The following TTC7B variants were observed in gnomAD, a reference collection of about 807,000 sequenced individuals.
The protein encoded by TTC7B is tetratricopeptide repeat domain 7B, also known as tetratricopeptide repeat protein 7B.
In TTC7B, 28 loss-of-function variants were observed where a neutral mutation model predicts 106.8. The ratio of observed to expected loss-of-function variants is 0.26; its 90% CI spans 0.19 to 0.36. TTC7B has a LOEUF of 0.36. Ranked by LOEUF, TTC7B falls within the 10% of genes least tolerant of loss-of-function variation. The probability of loss-of-function intolerance (pLI) is 1.00; values close to 1 mark genes in which losing one functional copy is unlikely to be tolerated. For missense variants in TTC7B, 862 were observed against 1,076.4 expected (o/e 0.80, Z 2.79); for synonymous variants, 405 against 430.6 (o/e 0.94, Z 0.74).
chr14:90,730,480 G>A (rs1424996167), intron 4 of TTC7B, among the ~76,000 whole-genome samples: 1 of 152,196 alleles, frequency 6.6e-6, no homozygotes, highest in Non-Finnish European at 1.5e-5. Context: ...AGCACTAGAG[G>A]CGGAGAGGCC....
chr14:90,633,989 T>C (rs2139868161), intron 15 of TTC7B, among the ~76,000 whole-genome samples: 1 of 152,104 alleles, frequency 6.6e-6, no homozygotes, highest in East Asian at 1.9e-4. Context: ...ATTCTCCTGC[T>C]TCAGCTACTC....
At chr14:90,743,221 A>G (rs1889835276) in intron 4 of TTC7B, among the ~76,000 whole-genome samples, 1 of 152,172 alleles carries the variant, frequency 6.6e-6, no homozygotes, top group Admixed American at 6.5e-5. Flanking sequence ...ATGGCTTATA[A>G]TCCATTCTGG....
chr14:90,637,438 A>T (rs1234940562), intron 15 of TTC7B, among the ~76,000 whole-genome samples: 2 of 152,002 alleles, frequency 1.3e-5, no homozygotes, highest in Non-Finnish European at 2.9e-5. Context: ...TTACAGATGC[A>T]TTCTACCAAA....
rs531831148 is a variant in TTC7B, at chr14:90,608,886, G to A, written c.1966+1856C>T. ...TCCAGGCCAGCTGGAAGGAAAGGGG[G>A]TCTGAATTTAGTGTGGCTGTTCTCA... On this transcript the variant is annotated intron_variant, in intron 17 of 19. Coordinates refer to ENST00000328459, the MANE Select transcript of TTC7B (RefSeq NM_001010854.2). The surrounding 1 kb of genome is among the most constrained non-coding windows in gnomAD (Gnocchi z 5.1). Among the ~76,000 whole-genome samples the A allele has an allele frequency of 6.6e-6, 1 of 152,218 alleles. No homozygotes were observed.
chr14:90,598,925 A>T (rs1463637848), intron 17 of TTC7B, among the ~76,000 whole-genome samples: 1 of 152,170 alleles, frequency 6.6e-6, no homozygotes, highest in African/African-American at 2.4e-5. Context: ...AGGCGGGTGG[A>T]TCACTTGAGG....
chr14:90,601,962 C>T (rs1272177289), intron 17 of TTC7B: 1 of 348,548 alleles, frequency 2.9e-6, no homozygotes, highest in Non-Finnish European at 5.7e-6. Context: ...AGGGAAATCT[C>T]TTTTATGAAG....
In TTC7B at chr14:90,530,280, A is replaced by T. The variant is rs1889253422; in HGVS notation, c.*11088T>A. 1 of 152,196 alleles carries T rather than the reference A, an allele frequency of 6.6e-6. No homozygotes were observed. Among genetic ancestry groups the T allele is most frequent in the African/African-American group, 2.4e-5 (1 of 41,448 alleles). 9.4% of individuals were successfully genotyped at this position (152,196 alleles called of 1,614,324 possible). A position where few individuals can be genotyped will look rare whatever the true frequency, so the allele number is the denominator to read the frequency against. On this transcript the variant is annotated 3_prime_UTR_variant, in exon 20 of 20. Transcript: ENST00000328459. Reference sequence around the variant, plus strand: ...GAGACTCCATCCCAAAAAACAAAAAAATCTATACTCATGGGAGAATGCTGC... The same window carrying T: ...GAGACTCCATCCCAAAAAACAAAAATATCTATACTCATGGGAGAATGCTGC...
At chr14:90,659,230 T>TGTGTGTGTGA (rs559012864) in intron 9 of TTC7B, among the ~76,000 whole-genome samples, 16,866 of 146,714 alleles carry the variant, frequency 0.11, 1,113 homozygotes, top group Non-Finnish European at 0.16. Context: ...TGTGTGTGTG[T>TGTGTGTGTGA]GAGAGAGAGA....
chr14:90,623,743 G>A (rs552500187), intron 15 of TTC7B, among the ~76,000 whole-genome samples: 2 of 152,206 alleles, frequency 1.3e-5, no homozygotes, highest in Admixed American at 6.5e-5. Flanking sequence ...ACATTTGGCT[G>A]GGCGCTGTGG....
chr14:90,716,939 C>T (rs185298754), intron 5 of TTC7B, among the ~76,000 whole-genome samples: 84 of 152,186 alleles, frequency 5.5e-4, no homozygotes, highest in African/African-American at 2.0e-3. Flanking sequence ...AAAGATACAG[C>T]GTGTCCACAC....
intron 9 of TTC7B, among the ~76,000 whole-genome samples, chr14:90,659,081 A>C (rs900721912): frequency 1.3e-5 from 2 of 152,180 alleles, no homozygotes; most frequent in African/African-American, 2.4e-5. Context: ...TCCGAGGTCA[A>C]ATCAGCAAGG....
At chr14:90,756,372 CTTTT>C (rs34712356) in intron 3 of TTC7B, among the ~76,000 whole-genome samples, 7 of 139,822 alleles carry the variant, frequency 5.0e-5, no homozygotes, top group East Asian at 2.0e-4. Flanking sequence ...TTATTTTCTT[CTTTT>C]TTTTTTTGTT....
At chr14:90,582,708 G>T (rs1322952815) in intron 18 of TTC7B, among the ~76,000 whole-genome samples, 1 of 152,220 alleles carries the variant, frequency 6.6e-6, no homozygotes, top group East Asian at 1.9e-4. Context: ...GCTCTATTTT[G>T]CCAGGTCAGA....
intron 5 of TTC7B, among the ~76,000 whole-genome samples, chr14:90,701,756 G>GTGTGTATATA (rs552300301): frequency 6.7e-6 from 1 of 149,076 alleles, no homozygotes; most frequent in Non-Finnish European, 1.5e-5. Context: ...ATCTGTGTGT[G>GTGTGTATATA]TGTGTATATA....
rs1307539806 is a variant in TTC7B, at chr14:90,537,377, G to T, written c.*3991C>A. On this transcript the variant is annotated 3_prime_UTR_variant, in exon 20 of 20. Transcript: ENST00000328459. ...ATTTTTTTTTTTTTGTAGAGATGGG[G>T]GGGGGGTCTCACCATGTTGCCCAGG... 2 of 144,280 alleles carry T rather than the reference G, an allele frequency of 1.4e-5. No individual in the cohort carries two copies. Among genetic ancestry groups the T allele is most frequent in the Non-Finnish European group, 3.1e-5 (2 of 65,296 alleles). The allele number at this position is 144,280 out of a possible 1,614,324, so 8.9% of individuals were successfully genotyped here.
At chr14:90,646,231 C>A (rs1885443341) in intron 14 of TTC7B, among the ~76,000 whole-genome samples, 1 of 152,206 alleles carries the variant, frequency 6.6e-6, no homozygotes, top group Non-Finnish European at 1.5e-5. Context: ...ATCACCCTCC[C>A]AGTCAGCACT....
At position 90,801,299 on chromosome 14, in the gene TTC7B, G is replaced by A. The variant is rs2030252471; in HGVS notation, c.121+14876C>T. The stretch of plus-strand genomic sequence containing the variant: ...GAAGCTGGAAAAGGCACAAACACAG[G>A]TCCTCCCCAAGAGTCCCCGGAAGGA... On this transcript the variant is annotated intron_variant, in intron 1 of 19. Coordinates refer to ENST00000328459, the MANE Select transcript of TTC7B (RefSeq NM_001010854.2). Among the ~76,000 whole-genome samples, 3 of 151,582 alleles carry A rather than the reference G, an allele frequency of 2.0e-5. No individual in the cohort carries two copies. The South Asian group carries it at 6.2e-4, about 32-fold the overall frequency.
In TTC7B at chr14:90,608,168, T is replaced by A. The variant is rs1566795856; in HGVS notation, c.1966+2574A>T. Among the ~76,000 whole-genome samples, 2 of 152,232 alleles carry A rather than the reference T, an allele frequency of 1.3e-5. No individual in the cohort carries two copies. The highest frequency in any genetic ancestry group is 6.5e-5 in the Admixed American group (1 of 15,288). ...CACCATGAGCTGAACCATATGCAACTGGGCTTTATTAATCAAGATGGAGGC... is the reference window on the plus strand; with the variant it reads ...CACCATGAGCTGAACCATATGCAACAGGGCTTTATTAATCAAGATGGAGGC... On this transcript the variant is annotated intron_variant, in intron 17 of 19. Coordinates refer to ENST00000328459, the MANE Select transcript of TTC7B (RefSeq NM_001010854.2). This position sits in a 1 kb window ranked among gnomAD's most constrained non-coding sequence, Gnocchi z 5.1.
At chr14:90,595,100 G>A (rs913017082) in intron 17 of TTC7B, among the ~76,000 whole-genome samples, 5 of 152,210 alleles carry the variant, frequency 3.3e-5, no homozygotes, top group South Asian at 2.1e-4. Flanking sequence ...TTGGGAGGCC[G>A]AGGCGGGCAG....
Sources: allele counts gnomAD v4.1 joint callset (sites outside exome capture counted in the v4.1 genomes callset), GRCh38; gene constraint gnomAD v4.1.1; non-coding constraint Gnocchi (gnomAD v3.1); transcripts MANE v1.5; gene names NCBI Gene and HGNC (gene_info 2026-07-23, HGNC 2026-07-21).